The following MAST4 variants were observed in gnomAD, a reference collection of about 807,000 sequenced individuals.
MAST4 encodes microtubule associated serine/threonine kinase family member 4, also known as microtubule-associated serine/threonine-protein kinase 4.
Under a neutral mutation model 162.7 loss-of-function variants are expected in MAST4, and 89 were observed. The observed-to-expected ratio is 0.55, with a 90% CI of 0.46 to 0.65. The LOEUF is 0.65. MAST4 is among the 30% of genes least tolerant of loss of function. The probability of loss-of-function intolerance (pLI) is 0.00; values close to 1 mark genes in which losing one functional copy is unlikely to be tolerated. For missense variants in MAST4, 3,153 were observed against 3,374.0 expected (o/e 0.93, Z 1.62); for synonymous variants, 1,479 against 1,361.1 (o/e 1.09, Z -1.91).
At chr5:66,730,228 T>C (rs1751756781) in intron 1 of MAST4, among the ~76,000 whole-genome samples, 1 of 152,204 alleles carries the variant, frequency 6.6e-6, no homozygotes, top group Non-Finnish European at 1.5e-5. Flanking sequence ...CACTTCATTA[T>C]TATTCATGGT....
intron 1 of MAST4, among the ~76,000 whole-genome samples, chr5:66,728,606 G>C (rs947091502): frequency 6.6e-6 from 1 of 152,186 alleles, no homozygotes; most frequent in Non-Finnish European, 1.5e-5. Context: ...ATGACTAAGA[G>C]ATTGATTTCT....
chr5:66,975,045 G>A (rs1028979911), intron 4 of MAST4, among the ~76,000 whole-genome samples: 1 of 152,074 alleles, frequency 6.6e-6, no homozygotes, highest in Non-Finnish European at 1.5e-5. Flanking sequence ...TTGAGATGGG[G>A]GGATTATCCT....
chr5:66,880,429 A>T (rs1442692888), intron 3 of MAST4, among the ~76,000 whole-genome samples: 2 of 152,196 alleles, frequency 1.3e-5, no homozygotes, highest in Non-Finnish European at 2.9e-5. Context: ...GTAATATATT[A>T]ACCATTCCAA....
intron 1 of MAST4, among the ~76,000 whole-genome samples, chr5:66,606,766 A>T (rs1242661647): frequency 6.6e-6 from 1 of 152,190 alleles, no homozygotes; most frequent in Non-Finnish European, 1.5e-5. Context: ...GGTGCATGGC[A>T]TATAGTGGGT....
chr5:67,126,446 T>G (rs979089714), intron 14 of MAST4, among the ~76,000 whole-genome samples: 6 of 152,228 alleles, frequency 3.9e-5, no homozygotes, highest in Non-Finnish European at 5.9e-5. Context: ...GGGATCCAGT[T>G]TCAACTTTCT....
chr5:67,019,421 C>T (rs1300893978), intron 4 of MAST4, among the ~76,000 whole-genome samples: 1 of 152,240 alleles, frequency 6.6e-6, no homozygotes, highest in Non-Finnish European at 1.5e-5. Flanking sequence ...AGCTCAGAAA[C>T]ACTCCAATTA....
intron 4 of MAST4, among the ~76,000 whole-genome samples, chr5:66,941,687 A>G (rs1461946197): frequency 2.6e-5 from 4 of 152,262 alleles, no homozygotes; most frequent in South Asian, 2.1e-4. Context: ...CAACTTCGCT[A>G]CCTGTTTGGT....
intron 1 of MAST4, among the ~76,000 whole-genome samples, chr5:66,746,779 C>T (rs1752784991): frequency 6.6e-6 from 1 of 152,122 alleles, no homozygotes; most frequent in Non-Finnish European, 1.5e-5. Flanking sequence ...GTCAAGGAAA[C>T]ATCTAGAATA....
intron 11 of MAST4, among the ~76,000 whole-genome samples, chr5:67,113,873 G>T (rs1245291566): frequency 6.6e-6 from 1 of 152,182 alleles, no homozygotes; most frequent in African/African-American, 2.4e-5. Context: ...TTATCTTTGG[G>T]TTACCATGTG....
At chr5:67,102,708 A>G (rs1009490275) in intron 9 of MAST4, 97 bp downstream of exon 9, 8 of 909,008 alleles carry the variant, frequency 8.8e-6, no homozygotes, top group African/African-American at 5.0e-5. Flanking sequence ...TAAGGGTCCA[A>G]TCTAGTAATG....
chr5:67,106,949 A>G (rs1765665630), intron 10 of MAST4, among the ~76,000 whole-genome samples: 1 of 152,234 alleles, frequency 6.6e-6, no homozygotes. Context: ...GGATGTATCA[A>G]GTAATCTAAT....
intron 5 of MAST4, among the ~76,000 whole-genome samples, chr5:67,075,109 A>G (rs1303125066): frequency 6.6e-6 from 1 of 150,586 alleles, no homozygotes; most frequent in Non-Finnish European, 1.5e-5. Context: ...CCACCTAGAA[A>G]TGTATATGTC....
At chr5:67,049,023 GTATATATATATA>G (rs10598203) in intron 4 of MAST4, among the ~76,000 whole-genome samples, 2 of 85,666 alleles carry the variant, frequency 2.3e-5, no homozygotes, top group Admixed American at 1.3e-4. Context: ...ATATATATAC[GTATATATATATA>G]TATATACGTG....
intron 3 of MAST4, among the ~76,000 whole-genome samples, chr5:66,809,545 G>C (rs970975485): frequency 6.6e-6 from 1 of 152,058 alleles, no homozygotes; most frequent in African/African-American, 2.4e-5. Flanking sequence ...GAAAGGAAAA[G>C]GTAGCCCACA....
intron 1 of MAST4, among the ~76,000 whole-genome samples, chr5:66,623,724 A>T (rs1744225324): frequency 6.6e-6 from 1 of 152,244 alleles, no homozygotes; most frequent in Admixed American, 6.5e-5. Flanking sequence ...AGGATGCCAT[A>T]TGTCATCACT....
intron 1 of MAST4, among the ~76,000 whole-genome samples, chr5:66,673,523 G>GTTTTTTTTTTTTTTT (rs1208217801): frequency 7.6e-6 from 1 of 131,318 alleles, no homozygotes; most frequent in Non-Finnish European, 1.6e-5. Context: ...TTTGTTTTTT[G>GTTTTTTTTTTTTTTT]TTTTTTGTTT....
chr5:67,130,403 A>C lies in MAST4; in HGVS notation c.1939A>C (p.Met647Leu), dbSNP rs375775710. ...FETRRHLCMV[M>L]EYVEGGDCAT... ...AACAAGGCGCCACTTGTGCATGGTC[A>C]TGGAATATGTGGAAGGTATCTGACA... The change falls in exon 15 of 29, where the codon ATG (methionine) becomes CTG (leucine). Residue 647 changes from methionine to leucine, a missense_variant. This residue lies in a region of MAST4 where 131 missense variants were observed against 253.8 expected (regional missense o/e 0.52). Transcript: ENST00000403625. 2 of 1,613,738 alleles carry C rather than the reference A, an allele frequency of 1.2e-6. No individual in the cohort carries two copies. The highest frequency in any genetic ancestry group is 2.7e-5 in the African/African-American group (2 of 74,902).
At chr5:66,887,940 G>C (rs1024048696) in intron 3 of MAST4, among the ~76,000 whole-genome samples, 1 of 152,050 alleles carries the variant, frequency 6.6e-6, no homozygotes, top group South Asian at 2.1e-4. Context: ...TGGGCGCGGT[G>C]GCTCACGCCT....
At chr5:67,124,179 T>A (rs1420656161) in intron 14 of MAST4, among the ~76,000 whole-genome samples, 1 of 152,180 alleles carries the variant, frequency 6.6e-6, no homozygotes, top group Admixed American at 6.6e-5. Context: ...TTTGGTTACG[T>A]CTTCCCTGCC....
Sources: allele counts gnomAD v4.1 joint callset (sites outside exome capture counted in the v4.1 genomes callset), GRCh38; gene constraint gnomAD v4.1.1; regional missense constraint gnomAD v4.1.1; transcripts MANE v1.5; gene names NCBI Gene and HGNC (gene_info 2026-07-23, HGNC 2026-07-21).